The following COL27A1 variants were observed in gnomAD, a reference collection of about 807,000 sequenced individuals.
COL27A1 encodes collagen type XXVII alpha 1 chain.
A neutral mutation model predicts 251.3 loss-of-function variants in COL27A1; 106 were observed. The ratio of observed to expected loss-of-function variants is 0.42; its 90% CI spans 0.36 to 0.50. The LOEUF (loss-of-function observed/expected upper bound fraction) is 0.50. COL27A1 is among the 20% of genes least tolerant of loss of function. The pLI is 0.00. For missense variants in COL27A1, 2,325 were observed against 2,522.8 expected, an observed-to-expected ratio of 0.92 and a Z score of 1.68; for synonymous variants, 1,000 against 986.3, an observed-to-expected ratio of 1.01 and a Z score of -0.26.
At chr9:114,205,046 T>A in intron 7 of COL27A1, 56 bp from the exon 8 acceptor site, 7 of 1,571,826 alleles carry the variant, frequency 4.5e-6, no homozygotes, top group Non-Finnish European at 6.1e-6. Flanking sequence ...GCCCTTGCGA[T>A]CTCCAGGACC....
At position 114,178,351 on chromosome 9, in the gene COL27A1, T is replaced by C; in HGVS notation, c.1962+7T>C. The C allele has an allele frequency of 2.5e-6, 4 of 1,613,742 alleles. No homozygotes were observed. The highest frequency in any genetic ancestry group is 3.4e-6 in the Non-Finnish European group (4 of 1,179,664). On this transcript the variant is annotated splice_region_variant and intron_variant, in intron 4 of 60. Coordinates refer to ENST00000356083, the MANE Select transcript of COL27A1 (RefSeq NM_032888.4). ...TGGTGCACGTGGGCCTCGGGTGAGT[T>C]ATCTCACACTGTCCTTTGGAACTCT...
At chr9:114,203,938 A>G (rs1829749182) in intron 7 of COL27A1, among the ~76,000 whole-genome samples, 1 of 151,900 alleles carries the variant, frequency 6.6e-6, no homozygotes, top group African/African-American at 2.4e-5. Flanking sequence ...TAAAATGGAG[A>G]TGATAGTCGC....
At position 114,266,610 on chromosome 9, in the gene COL27A1, G is replaced by T. The variant is rs1328051341; in HGVS notation, c.3439G>T (p.Gly1147Ter). ...QGPIGPPGEM[G>*]PKGPPGAVGE... is the part of the protein sequence containing the mutation. ...GCCAATTGGGCCTCCAGGAGAGATG[G>T]GACCCAAGGTGAGTGTGAGAGACCC... Residue 1147 changes from glycine to a stop codon, truncating the protein, a stop_gained, in exon 33 of 61, where the codon GGA becomes TGA. Transcript: ENST00000356083. LOFTEE classifies it high-confidence loss of function. 10 of 1,613,492 alleles carry T rather than the reference G, an allele frequency of 6.2e-6. No individual in the cohort carries two copies. Among genetic ancestry groups the T allele is most frequent in the Non-Finnish European group, 8.5e-6 (10 of 1,179,586 alleles).
At chr9:114,222,906 T>C (rs1245006786) in intron 14 of COL27A1, among the ~76,000 whole-genome samples, 2 of 152,136 alleles carry the variant, frequency 1.3e-5, no homozygotes, top group Non-Finnish European at 2.9e-5. Flanking sequence ...ATATGTGTAG[T>C]CCTTGGCACA....
At chr9:114,280,954 C>T (rs1835864246) in intron 37 of COL27A1, among the ~76,000 whole-genome samples, 2 of 152,226 alleles carry the variant, frequency 1.3e-5, no homozygotes, top group African/African-American at 4.8e-5. Flanking sequence ...CAGAAATCTG[C>T]AGACAGGAAC....
rs781645561 is a variant in COL27A1 at position 114,169,046 on chromosome 9, T to A, written c.1491T>A (p.Ser497=). Residue 497 remains serine (S), a synonymous_variant, in exon 3 of 61, where the codon TCT becomes TCA. Coordinates refer to ENST00000356083, the MANE Select transcript of COL27A1 (RefSeq NM_032888.4). ...LSSSPAPTPG[S]TRSTRPPATM... ...CATCTCCTGCCCCTACTCCTGGTTCTACCAGGAGTACTCGGCCACCAGCCA... is the reference window on the plus strand; with the variant it reads ...CATCTCCTGCCCCTACTCCTGGTTCAACCAGGAGTACTCGGCCACCAGCCA... 6.2e-7 allele frequency: 1 copy of A among 1,614,008 alleles called. No homozygotes were observed.
At position 114,258,309 on chromosome 9, in the gene COL27A1, C is replaced by T. The variant is rs189996444; in HGVS notation, c.3142-232C>T. 4.5e-4 allele frequency among the ~76,000 whole-genome samples: 69 copies of T among 152,314 alleles called. 1 individual carries two copies. The highest frequency in any genetic ancestry group is 5.3e-4 in the Non-Finnish European group (36 of 68,014). On this transcript the variant is annotated intron_variant, in intron 27 of 60. Transcript: ENST00000356083. ...ACTCCCAGGAAAGGTCGAGGCCCAT[C>T]CCCCTATAGCCCAGGGCATTGGCTG...
At chr9:114,162,363 G>T (rs775206188) in intron 1 of COL27A1, among the ~76,000 whole-genome samples, 18 of 152,244 alleles carry the variant, frequency 1.2e-4, no homozygotes, top group Non-Finnish European at 2.5e-4. Flanking sequence ...CTGGCCCCTG[G>T]TTGCTCACTG....
intron 28 of COL27A1, among the ~76,000 whole-genome samples, chr9:114,263,654 G>A (rs1285084813): frequency 1.3e-5 from 2 of 152,126 alleles, no homozygotes; most frequent in Non-Finnish European, 2.9e-5. Flanking sequence ...TCTGTGCAGG[G>A]GGGATGGGGG....
intron 5 of COL27A1, among the ~76,000 whole-genome samples, chr9:114,185,751 G>T (rs976407115): frequency 6.6e-6 from 1 of 152,206 alleles, no homozygotes; most frequent in African/African-American, 2.4e-5. Flanking sequence ...AACGTGTATT[G>T]AGCACCCACT....
chr9:114,268,914 C>T (rs745579095), intron 34 of COL27A1: 34 of 227,816 alleles, frequency 1.5e-4, no homozygotes, highest in Middle Eastern at 2.7e-3. Context: ...CCAGTCTGGG[C>T]GACAGAATGA....
In COL27A1 at chr9:114,168,707, C is replaced by T. The variant is rs1350774303; in HGVS notation, c.1152C>T (p.Ser384=). The change falls in exon 3 of 61, where the codon AGC becomes AGT. Residue 384 remains serine (S), a synonymous_variant. Coordinates refer to ENST00000356083, the MANE Select transcript of COL27A1 (RefSeq NM_032888.4). ...CTACTTCAATTGTGCCCATCAAAAG[C>T]CCCCATCCTACCCAGAAAACAGCTC... The part of the protein sequence containing the change: ...APSTSIVPIK[S]PHPTQKTAPS... 6.2e-7 allele frequency: 1 copy of T among 1,614,082 alleles called. No individual in the cohort carries two copies. Among genetic ancestry groups the T allele is most frequent in the South Asian group, 1.1e-5 (1 of 91,082 alleles).
rs907384240 is a variant in COL27A1 at position 114,288,607 on chromosome 9, C to G, written c.4045-95C>G. 19 of 1,547,854 alleles carry G rather than the reference C, an allele frequency of 1.2e-5. No individual in the cohort carries two copies. The East Asian group carries it at 3.9e-4, about 32-fold the overall frequency. ...GGGTGGGCCGATCAGGGGCCAGGTCCCTGAGAGCTCCGCAGAGGTCGCGGC... is the reference window on the plus strand; with the variant it reads ...GGGTGGGCCGATCAGGGGCCAGGTCGCTGAGAGCTCCGCAGAGGTCGCGGC... On this transcript the variant is annotated intron_variant, in intron 42 of 60. Transcript: ENST00000356083.
At chr9:114,235,504 C>T in intron 16 of COL27A1, 95 bp from the exon 17 acceptor site, 4 of 942,902 alleles carry the variant, frequency 4.2e-6, no homozygotes, top group Non-Finnish European at 5.3e-6. Context: ...GGGAAACAGC[C>T]TCGGCACAGC....
chr9:114,274,087 C>G (rs575400140), intron 36 of COL27A1: 2 of 152,256 alleles, frequency 1.3e-5, no homozygotes, highest in South Asian at 4.2e-4. Flanking sequence ...ACTAAAAATA[C>G]AAAAATTAGC....
At chr9:114,199,422 A>G (rs866506012) in intron 7 of COL27A1, among the ~76,000 whole-genome samples, 4 of 151,414 alleles carry the variant, frequency 2.6e-5, no homozygotes, top group African/African-American at 4.9e-5. Context: ...ATCCAATCCC[A>G]TATACCCTGG....
At chr9:114,223,868 A>G (rs1041356114) in intron 14 of COL27A1, among the ~76,000 whole-genome samples, 2 of 152,372 alleles carry the variant, frequency 1.3e-5, no homozygotes, top group African/African-American at 4.8e-5. Flanking sequence ...GTAAGCACTC[A>G]AGAAGTACTA....
At chr9:114,208,974 C>T (rs757498764) in intron 10 of COL27A1, among the ~76,000 whole-genome samples, 30 of 152,056 alleles carry the variant, frequency 2.0e-4, no homozygotes, top group African/African-American at 3.1e-4. Context: ...AGAATGGTGA[C>T]GAGCCCCAGC....
At chr9:114,220,085 C>T (rs910042917) in intron 13 of COL27A1, among the ~76,000 whole-genome samples, 107 of 152,206 alleles carry the variant, frequency 7.0e-4, no homozygotes, top group Non-Finnish European at 2.8e-4. Flanking sequence ...GTCCAAAGCT[C>T]CAGGCTGCAC....
Sources: allele counts gnomAD v4.1 joint callset (sites outside exome capture counted in the v4.1 genomes callset), GRCh38; gene constraint gnomAD v4.1.1; transcripts MANE v1.5; gene names NCBI Gene and HGNC (gene_info 2026-07-23, HGNC 2026-07-21).